Variants in ATP13A3 observed in about 807,000 individuals in gnomAD.
ATP13A3 encodes ATPase 13A3.
Under a neutral mutation model 158.1 loss-of-function variants are expected in ATP13A3, and 59 were observed. The ratio of observed to expected loss-of-function variants is 0.37; its 90% CI spans 0.30 to 0.46. The LOEUF is 0.46. Ranked by LOEUF, ATP13A3 falls within the 20% of genes least tolerant of loss-of-function variation. ATP13A3 has a pLI of 1.00. For synonymous variants in ATP13A3, 491 were observed against 504.3 expected, an observed-to-expected ratio of 0.97 and a Z score of 0.35; for missense variants, 1,166 against 1,525.2, an observed-to-expected ratio of 0.76 and a Z score of 3.92.
chr3:194,453,668 TC>T (rs776583427), intron 10 of ATP13A3, 37 bp downstream of exon 10: 1 of 1,522,156 alleles, frequency 6.6e-7, no homozygotes, highest in East Asian at 2.3e-5. Context: ...CTAACAGGTA[TC>T]TTTTTTGATT....
chr3:194,493,968 G>A (rs148644734), intron 2 of ATP13A3: 76 of 392,030 alleles, frequency 1.9e-4, no homozygotes, highest in African/African-American at 1.4e-3. Flanking sequence ...ACAAATTGAG[G>A]AAGATTATTT....
chr3:194,439,565 T>C (rs979453556), intron 16 of ATP13A3, among the ~76,000 whole-genome samples: 8 of 152,216 alleles, frequency 5.3e-5, no homozygotes, highest in African/African-American at 1.7e-4. Context: ...GATCAATAAA[T>C]GAGAAAACAA....
At chr3:194,441,809 C>T (rs1257667530) in intron 15 of ATP13A3, among the ~76,000 whole-genome samples, 1 of 152,140 alleles carries the variant, frequency 6.6e-6, no homozygotes, top group African/African-American at 2.4e-5. Flanking sequence ...AGCCAGTACT[C>T]TTGAAGAGCT....
intron 3 of ATP13A3, 69 bp from the exon 4 acceptor site, chr3:194,460,900 C>T: frequency 1.4e-6 from 2 of 1,480,534 alleles, no homozygotes; most frequent in Admixed American, 2.0e-5. Context: ...AAACACATTC[C>T]AAAGTTCTTT....
Position 194,431,030 on chromosome 3 carries a change from C to G in ATP13A3, c.2545-8G>C. 3 of 1,613,426 alleles carry G rather than the reference C, an allele frequency of 1.9e-6. No homozygotes were observed. The highest frequency in any genetic ancestry group is 2.5e-6 in the Non-Finnish European group (3 of 1,179,574). On this transcript the variant is annotated splice_polypyrimidine_tract_variant and splice_region_variant and intron_variant, in intron 23 of 33. Transcript: ENST00000645319. ...GGTGCCATGCAACATCAACTGGAAA[C>G]AATAATACAAATTTTTTTAAAATAC...
In ATP13A3 at chr3:194,430,125, T is replaced by C. The variant is rs750245805; in HGVS notation, c.2724A>G (p.Ala908=). ...ISLSELEASV[A]SPFTSKTPSI... ...TAGGAGTCTTAGAGGTAAAGGGAGA[T>C]GCCACTGAAGCTTCGAGCTCCGATA... Residue 908 remains alanine, a synonymous_variant, in exon 26 of 34, where the codon GCA becomes GCG. Transcript: ENST00000645319. The C allele has an allele frequency of 6.2e-6, 10 of 1,614,046 alleles. No homozygotes were observed. The highest frequency in any genetic ancestry group is 5.9e-6 in the Non-Finnish European group (7 of 1,180,038).
intron 1 of ATP13A3, among the ~76,000 whole-genome samples, 170 bp from the exon 2 acceptor site, chr3:194,486,005 G>A (rs1720950473): frequency 6.6e-6 from 1 of 152,138 alleles, no homozygotes; most frequent in Non-Finnish European, 1.5e-5. Flanking sequence ...ACTCTGTGAA[G>A]GGAATGGAGA....
chr3:194,466,876 G>T (rs1720019551), intron 2 of ATP13A3, among the ~76,000 whole-genome samples: 1 of 152,176 alleles, frequency 6.6e-6, no homozygotes, highest in Admixed American at 6.5e-5. Context: ...GAAGCTTTTA[G>T]ACAGAAGAAA....
intron 30 of ATP13A3, among the ~76,000 whole-genome samples, chr3:194,423,696 C>T (rs745406973): frequency 6.6e-6 from 1 of 151,996 alleles, no homozygotes; most frequent in Non-Finnish European, 1.5e-5. Context: ...CATCCAGTGG[C>T]CAAAAATAGT....
chr3:194,430,833 A>G (rs1484851318), intron 24 of ATP13A3, 110 bp downstream of exon 24: 1 of 761,062 alleles, frequency 1.3e-6, no homozygotes, highest in South Asian at 3.2e-5. Flanking sequence ...ACAATTATAT[A>G]TATAAATATG....
At chr3:194,449,964 T>C (rs1288968143) in intron 11 of ATP13A3, among the ~76,000 whole-genome samples, 181 bp downstream of exon 11, 1 of 152,026 alleles carries the variant, frequency 6.6e-6, no homozygotes, top group East Asian at 1.9e-4. Flanking sequence ...TAGCACAGTA[T>C]CTAGTATTAC....
intron 27 of ATP13A3, among the ~76,000 whole-genome samples, chr3:194,429,164 C>T (rs1320235436): frequency 6.6e-6 from 1 of 152,142 alleles, no homozygotes; most frequent in Non-Finnish European, 1.5e-5. Context: ...CGCGGTGACT[C>T]ACACCTGTAA....
At chr3:194,414,767 A>C (rs1715697550) in intron 31 of ATP13A3, among the ~76,000 whole-genome samples, 1 of 152,208 alleles carries the variant, frequency 6.6e-6, no homozygotes, top group Admixed American at 6.5e-5. Context: ...TGGTACCAAG[A>C]AACAGAGAAG....
chr3:194,467,034 T>C (rs557226923), intron 2 of ATP13A3, among the ~76,000 whole-genome samples: 3 of 152,352 alleles, frequency 2.0e-5, no homozygotes, highest in Non-Finnish European at 4.4e-5. Flanking sequence ...CTGTTGGTTT[T>C]TGAATCTTAC....
chr3:194,489,275 C>G (rs1052011581), upstream of ATP13A3, among the ~76,000 whole-genome samples: 3 of 152,154 alleles, frequency 2.0e-5, no homozygotes, highest in East Asian at 5.8e-4. This position sits in a 1 kb window ranked among gnomAD's most constrained non-coding sequence, Gnocchi z 4.1. Context: ...GAAACCTCAT[C>G]TCTACTAAAA....
At chr3:194,413,888 AT>A in intron 31 of ATP13A3, 49 bp from the exon 32 acceptor site, 1 of 1,439,582 alleles carries the variant, frequency 6.9e-7, no homozygotes, top group Non-Finnish European at 9.8e-7. Flanking sequence ...TGTAGTCAAT[AT>A]TATAGCACTG....
At chr3:194,435,637 A>G (rs1247769381) in intron 20 of ATP13A3, among the ~76,000 whole-genome samples, 8 of 152,300 alleles carry the variant, frequency 5.3e-5, no homozygotes, top group Non-Finnish European at 1.0e-4. Context: ...AGCCGGGTGC[A>G]GTGGCTCACG....
At position 194,462,314 on chromosome 3, in the gene ATP13A3, T is replaced by G. The variant is rs1577081650; in HGVS notation, c.-46-78A>C. 4.0e-6 allele frequency: 4 copies of G among 1,003,126 alleles called. No individual in the cohort carries two copies. In the Admixed American group the frequency reaches 8.7e-5, roughly 22 times the overall value. The allele number at this position is 1,003,126 out of a possible 1,614,324, so 62.1% of individuals were successfully genotyped here. A position where few individuals can be genotyped will look rare whatever the true frequency, so the allele number is the denominator to read the frequency against. ...CGATACAACTGCATTCTATCAACTG[T>G]CTATTATACAAGGGGTCCCCAACCC... is the stretch of plus-strand genomic sequence containing the variant. On this transcript the variant is annotated intron_variant, in intron 2 of 33. Transcript: ENST00000645319.
At chr3:194,424,214 A>T (rs1716595287) in intron 30 of ATP13A3, among the ~76,000 whole-genome samples, 1 of 151,716 alleles carries the variant, frequency 6.6e-6, no homozygotes, top group Non-Finnish European at 1.5e-5. Context: ...CTAATAAATA[A>T]TATAGTTATT....
Sources: allele counts gnomAD v4.1 joint callset (sites outside exome capture counted in the v4.1 genomes callset), GRCh38; gene constraint gnomAD v4.1.1; non-coding constraint Gnocchi (gnomAD v3.1); transcripts MANE v1.5; gene names NCBI Gene and HGNC (gene_info 2026-07-23, HGNC 2026-07-21).